Variants in ZHX2 observed in about 807,000 individuals in gnomAD.
ZHX2 encodes the protein zinc fingers and homeoboxes protein 2.
In ZHX2, 6 loss-of-function variants were observed where a neutral mutation model predicts 21.9. The observed-to-expected ratio is 0.27, with a 90% CI of 0.15 to 0.54. ZHX2 has a LOEUF of 0.54. Among genes scored for constraint, ZHX2 ranks in the 20% least tolerant of loss-of-function variants. The pLI is 0.95. For synonymous variants in ZHX2, 434 were observed against 437.1 expected, an observed-to-expected ratio of 0.99 and a Z score of 0.09; for missense variants, 908 against 1,090.7, an observed-to-expected ratio of 0.83 and a Z score of 2.36.
At chr8:122,939,694 T>C (rs1812794002) in intron 2 of ZHX2, among the ~76,000 whole-genome samples, 1 of 152,036 alleles carries the variant, frequency 6.6e-6, no homozygotes, top group Non-Finnish European at 1.5e-5. Flanking sequence ...AGAGGCGAAG[T>C]TGGGAAATTC....
At chr8:122,922,880 T>C (rs1441912004) in intron 2 of ZHX2, among the ~76,000 whole-genome samples, 3 of 152,240 alleles carry the variant, frequency 2.0e-5, no homozygotes, top group Non-Finnish European at 2.9e-5. Context: ...TAATATTGTG[T>C]AATAGAGATT....
At chr8:122,875,487 T>C (rs1819550805) in intron 2 of ZHX2, among the ~76,000 whole-genome samples, 1 of 152,022 alleles carries the variant, frequency 6.6e-6, no homozygotes, top group Non-Finnish European at 1.5e-5. Context: ...TACTAGATGA[T>C]CAGGACTCAA....
chr8:122,877,139 A>G (rs1819592097), intron 2 of ZHX2, among the ~76,000 whole-genome samples: 1 of 152,116 alleles, frequency 6.6e-6, no homozygotes, highest in African/African-American at 2.4e-5. Context: ...TAGCTGTGTG[A>G]CCTTGGGTAA....
At chr8:122,803,103 C>T (rs1817752365) in intron 1 of ZHX2, among the ~76,000 whole-genome samples, 1 of 152,088 alleles carries the variant, frequency 6.6e-6, no homozygotes, top group East Asian at 1.9e-4. Flanking sequence ...CCTCCCCATC[C>T]CCTGTTCCTA....
intron 2 of ZHX2, among the ~76,000 whole-genome samples, chr8:122,942,988 A>G (rs1023104784): frequency 2.0e-5 from 3 of 152,124 alleles, no homozygotes; most frequent in Admixed American, 1.3e-4. Context: ...ATGGCCAGGC[A>G]CGGTGGCTCA....
intron 2 of ZHX2, among the ~76,000 whole-genome samples, chr8:122,932,664 T>C (rs10103117): frequency 0.63 from 95,363 of 152,076 alleles, 30,010 homozygotes; most frequent in Admixed American, 0.69. Flanking sequence ...CTCATAAGGA[T>C]ACTTGTGGTT....
intron 1 of ZHX2, among the ~76,000 whole-genome samples, chr8:122,804,974 C>A (rs1237395565): frequency 6.6e-6 from 1 of 152,238 alleles, no homozygotes; most frequent in African/African-American, 2.4e-5. Context: ...AGCCATCCCC[C>A]AGCTGTAGAC....
At chr8:122,941,510 C>T (rs541333636) in intron 2 of ZHX2, among the ~76,000 whole-genome samples, 1 of 152,274 alleles carries the variant, frequency 6.6e-6, no homozygotes, top group South Asian at 2.1e-4. Context: ...ATTCTGTTTT[C>T]CTTTCTTTTC....
chr8:122,899,960 C>T (rs1197096948), intron 2 of ZHX2, among the ~76,000 whole-genome samples: 1 of 152,112 alleles, frequency 6.6e-6, no homozygotes, highest in African/African-American at 2.4e-5. Context: ...TGAGTTTAGG[C>T]GTTTTGGGAA....
intron 1 of ZHX2, among the ~76,000 whole-genome samples, chr8:122,860,468 G>T (rs942357949): frequency 6.6e-6 from 1 of 152,182 alleles, no homozygotes; most frequent in Non-Finnish European, 1.5e-5. Context: ...CAATAAGATT[G>T]CAGCACACAA....
At chr8:122,916,580 G>T (rs895243882) in intron 2 of ZHX2, among the ~76,000 whole-genome samples, 1 of 151,984 alleles carries the variant, frequency 6.6e-6, no homozygotes, top group Admixed American at 6.6e-5. Flanking sequence ...TTATGTGTAT[G>T]TGTACACACA....
chr8:122,956,320 A>T (rs1478936661), intron 3 of ZHX2, among the ~76,000 whole-genome samples: 2 of 152,234 alleles, frequency 1.3e-5, no homozygotes, highest in Non-Finnish European at 2.9e-5. Context: ...AGAGAGACAG[A>T]CAACACAGTA....
chr8:122,836,393 G>C (rs891352753), intron 1 of ZHX2, among the ~76,000 whole-genome samples: 1 of 152,176 alleles, frequency 6.6e-6, no homozygotes, highest in Non-Finnish European at 1.5e-5. Flanking sequence ...CTTGCTCTCC[G>C]GGGTGGAGGG....
intron 2 of ZHX2, among the ~76,000 whole-genome samples, chr8:122,889,353 A>G (rs1819921809): frequency 6.6e-6 from 1 of 152,196 alleles, no homozygotes; most frequent in African/African-American, 2.4e-5. Flanking sequence ...AACAGTGTAC[A>G]AGGGTTCCCA....
intron 2 of ZHX2, among the ~76,000 whole-genome samples, chr8:122,883,345 C>T (rs566492267): frequency 3.8e-4 from 58 of 151,946 alleles, no homozygotes; most frequent in Non-Finnish European, 7.5e-4. Context: ...TGGAGGTGGG[C>T]GGAAGAATGT....
intron 2 of ZHX2, among the ~76,000 whole-genome samples, chr8:122,942,383 T>C (rs1408240403): frequency 4.6e-5 from 7 of 152,226 alleles, no homozygotes; most frequent in Admixed American, 3.9e-4. Flanking sequence ...CTTGTCAAGA[T>C]GCTTCCTTTG....
chr8:122,900,364 G>C (rs1820199024), intron 2 of ZHX2, among the ~76,000 whole-genome samples: 1 of 152,084 alleles, frequency 6.6e-6, no homozygotes, highest in Non-Finnish European at 1.5e-5. Flanking sequence ...GAGATGCCAG[G>C]TTCTGTTTAA....
chr8:122,947,633 A>T (rs1476151682), intron 2 of ZHX2, among the ~76,000 whole-genome samples: 1 of 152,182 alleles, frequency 6.6e-6, no homozygotes, highest in Non-Finnish European at 1.5e-5. Flanking sequence ...GGGTGAGGAA[A>T]TAGAGAGTGC....
intron 1 of ZHX2, among the ~76,000 whole-genome samples, chr8:122,788,122 C>T (rs1817436002): frequency 6.6e-6 from 1 of 152,214 alleles, no homozygotes; most frequent in African/African-American, 2.4e-5. Context: ...ATGGTGTTCA[C>T]CATGTTAAGA....
Sources: gnomAD v4.1 joint callset for allele counts (sites outside exome capture counted in the v4.1 genomes callset) on GRCh38, gnomAD v4.1.1 for gene constraint, MANE v1.5 for transcripts, NCBI Gene and HGNC (gene_info 2026-07-23, HGNC 2026-07-21) for gene names.